PCDHA9: variants seen among roughly 807,000 people sequenced by gnomAD.
PCDHA9 encodes the protein protocadherin alpha-9.
Under a neutral mutation model 62.0 loss-of-function variants are expected in PCDHA9, and 62 were observed. That is an observed-to-expected ratio of 1.00 (90% CI 0.81 to 1.23). The LOEUF is 1.23. PCDHA9 is among the 50% of genes most tolerant of loss of function. PCDHA9 has a pLI of 0.00. For synonymous variants in PCDHA9, 557 were observed against 567.6 expected, an observed-to-expected ratio of 0.98 and a Z score of 0.27; for missense variants, 1,205 against 1,249.8, an observed-to-expected ratio of 0.96 and a Z score of 0.54.
chr5:140,945,597 A>G (rs374286655), intron 1 of PCDHA9, among the ~76,000 whole-genome samples: 11 of 152,170 alleles, frequency 7.2e-5, no homozygotes, highest in Non-Finnish European at 1.2e-4. Context: ...CTTCAAAGCT[A>G]TAATAATCAA....
intron 1 of PCDHA9, chr5:140,966,805 T>C (rs1554228690): frequency 6.5e-7 from 1 of 1,545,566 alleles, no homozygotes; most frequent in South Asian, 1.2e-5. Flanking sequence ...CGACAGAGCA[T>C]CCACGGCTCC....
At chr5:140,956,217 T>A (rs1554222303) in intron 1 of PCDHA9, among the ~76,000 whole-genome samples, 1 of 152,208 alleles carries the variant, frequency 6.6e-6, no homozygotes, top group Non-Finnish European at 1.5e-5. Context: ...GGCATCCTTG[T>A]CTTGTGCTGG....
intron 1 of PCDHA9, chr5:140,863,626 A>G (rs2048099492): frequency 3.1e-6 from 1 of 320,146 alleles, no homozygotes; most frequent in African/African-American, 2.2e-5. Context: ...AGTGACATTG[A>G]TAATGTTCAC....
At chr5:141,002,676 T>C (rs2098090585) in intron 3 of PCDHA9, among the ~76,000 whole-genome samples, 1 of 152,196 alleles carries the variant, frequency 6.6e-6, no homozygotes, top group Non-Finnish European at 1.5e-5. Context: ...CCAAAACCTA[T>C]ACGACGTGCA....
intron 1 of PCDHA9, among the ~76,000 whole-genome samples, chr5:140,975,492 A>G (rs2153807380): frequency 6.6e-6 from 1 of 152,332 alleles, no homozygotes; most frequent in South Asian, 2.1e-4. Flanking sequence ...ATCAATGTTC[A>G]TAAAATAGCA....
intron 1 of PCDHA9, among the ~76,000 whole-genome samples, chr5:140,942,021 A>C (rs2093219800): frequency 6.6e-6 from 1 of 152,198 alleles, no homozygotes; most frequent in South Asian, 2.1e-4. Context: ...TTTTGGGAAA[A>C]AATAATTCAT....
intron 1 of PCDHA9, chr5:140,864,231 T>G (rs949424981): frequency 2.0e-5 from 3 of 152,222 alleles, no homozygotes; most frequent in Non-Finnish European, 4.4e-5. Flanking sequence ...AAGCAAGTTC[T>G]TTATTCCTAT....
chr5:140,860,245 T>C (rs2046291646), intron 1 of PCDHA9: 1 of 151,496 alleles, frequency 6.6e-6, no homozygotes, highest in Non-Finnish European at 1.5e-5. Flanking sequence ...TGGTGGTACA[T>C]GCCTTTAGTC....
rs1190027185 is a variant in PCDHA9, at chr5:140,882,058, C to T, written c.2394+31169C>T. On this transcript the variant is annotated intron_variant, in intron 1 of 3. Transcript: ENST00000532602. ...GAAGACTGAGTCATACTTACACTTA[C>T]ACGTTCATGCGCATGGTGTCGCTCT... is the stretch of plus-strand genomic sequence containing the variant. 1.0e-5 allele frequency: 8 copies of T among 794,854 alleles called. No individual in the cohort carries two copies. The Admixed American group carries it at 2.4e-4, about 24-fold the overall frequency. The allele number at this position is 794,854 out of a possible 1,614,324, so 49.2% of individuals were successfully genotyped here.
rs201064172 is a variant in PCDHA9 at position 140,856,130 on chromosome 5, G to T, written c.2394+5241G>T. Reference sequence around the variant, plus strand: ...CCTCGCAGCCTGGGAGGTGGGGAGCGGCCAGCTCCACTACTCAGTCTACGA... The same window carrying T: ...CCTCGCAGCCTGGGAGGTGGGGAGCTGCCAGCTCCACTACTCAGTCTACGA... On this transcript the variant is annotated intron_variant, in intron 1 of 3. Coordinates refer to ENST00000532602, the MANE Select transcript of PCDHA9 (RefSeq NM_031857.2). 2.5e-4 allele frequency: 403 copies of T among 1,597,952 alleles called. 51 individuals carry two copies. Among genetic ancestry groups the T allele is most frequent in the Non-Finnish European group, 3.0e-4 (350 of 1,167,798 alleles).
At chr5:140,920,989 A>C (rs1409702083) in intron 1 of PCDHA9, among the ~76,000 whole-genome samples, 1 of 151,756 alleles carries the variant, frequency 6.6e-6, no homozygotes, top group Non-Finnish European at 1.5e-5. Context: ...GTATTTGCTT[A>C]TTTTTTCAGA....
At position 140,923,318 on chromosome 5, in the gene PCDHA9, A is replaced by G. The variant is rs189105018; in HGVS notation, c.2395-55631A>G. Among the ~76,000 whole-genome samples the G allele has an allele frequency of 8.1e-3, 1,226 of 152,276 alleles. 6 individuals are homozygous for G. The highest frequency in any genetic ancestry group is 0.019 in the African/African-American group (794 of 41,558). On this transcript the variant is annotated intron_variant, in intron 1 of 3. Transcript: ENST00000532602. ...CTGGGCGTGGGGGCGCTTGGCCTAG[A>G]AGTTCAAGGACAGTTTGGGCAACAT...
intron 3 of PCDHA9, among the ~76,000 whole-genome samples, chr5:141,007,393 TAC>T (rs2098323171): frequency 8.5e-5 from 2 of 23,408 alleles, no homozygotes; most frequent in East Asian, 1.4e-3. Flanking sequence ...TCTACTAAAA[TAC>T]AAAAAAAAAA....
chr5:140,966,652 G>C (rs556593659), intron 1 of PCDHA9: 2 of 1,169,200 alleles, frequency 1.7e-6, no homozygotes, highest in Admixed American at 3.9e-5. Context: ...GAGCGTGAGC[G>C]GTGGGGGAGC....
chr5:140,887,101 CT>C (rs200717289), intron 1 of PCDHA9, among the ~76,000 whole-genome samples: 3,245 of 145,086 alleles, frequency 0.022, 87 homozygotes, highest in African/African-American at 0.074. Flanking sequence ...ATCTTTATCT[CT>C]TTTTTTTTTT....
At chr5:140,967,373 A>C in intron 1 of PCDHA9, 1 of 1,607,416 alleles carries the variant, frequency 6.2e-7, no homozygotes, top group Non-Finnish European at 8.5e-7. Flanking sequence ...CCTGCAGGAG[A>C]ACAGTAAAGT....
intron 3 of PCDHA9, among the ~76,000 whole-genome samples, chr5:140,986,019 G>T (rs562523452): frequency 1.3e-5 from 2 of 152,036 alleles, no homozygotes; most frequent in African/African-American, 2.4e-5. Flanking sequence ...GATTACAGGC[G>T]TGAGCCACTG....
rs200436467 is a variant in PCDHA9 at position 140,883,790 on chromosome 5, G to A, written c.2394+32901G>A. 640 of 1,612,406 alleles carry A rather than the reference G, an allele frequency of 4.0e-4. No individual in the cohort carries two copies. The highest frequency in any genetic ancestry group is 5.2e-4 in the Non-Finnish European group (616 of 1,179,760). ...GGGCGAGCGTGCGCTGTCGAGCTAC[G>A]TGTCGGTGCACGCGGAGAGCGGCAA... is the stretch of plus-strand genomic sequence containing the variant. On this transcript the variant is annotated intron_variant, in intron 1 of 3. Transcript: ENST00000532602.
rs2098422568 is a variant in PCDHA9 at position 141,011,988 on chromosome 5, C to A, written c.*2051C>A. ...AAACTGTCTTGTCTACTTTTAGCTTCATTCTCCCATATTTTGAAGGGTGTG... is the reference window on the plus strand; with the variant it reads ...AAACTGTCTTGTCTACTTTTAGCTTAATTCTCCCATATTTTGAAGGGTGTG... On this transcript the variant is annotated 3_prime_UTR_variant, in exon 4 of 4. Coordinates refer to ENST00000532602, the MANE Select transcript of PCDHA9 (RefSeq NM_031857.2). 6.5e-6 allele frequency: 1 copy of A among 153,688 alleles called. No individual in the cohort carries two copies. The highest frequency in any genetic ancestry group is 2.4e-5 in the African/African-American group (1 of 41,434). 9.5% of individuals were successfully genotyped at this position (153,688 alleles called of 1,614,324 possible). A position where few individuals can be genotyped will look rare whatever the true frequency, so the allele number is the denominator to read the frequency against.
Sources: gnomAD v4.1 joint callset for allele counts (sites outside exome capture counted in the v4.1 genomes callset) on GRCh38, gnomAD v4.1.1 for gene constraint, MANE v1.5 for transcripts, NCBI Gene and HGNC (gene_info 2026-07-23, HGNC 2026-07-21) for gene names.